Variants in MMP15 observed in about 807,000 individuals in gnomAD.
The protein encoded by MMP15 is matrix metalloproteinase-15.
MMP15 carries 36 observed loss-of-function variants against 65.0 expected under a neutral mutation model. The ratio of observed to expected loss-of-function variants is 0.55; its 90% CI spans 0.42 to 0.73. The LOEUF is 0.73. MMP15 is among the 30% of genes least tolerant of loss of function. MMP15 has a pLI of 0.00. For synonymous variants in MMP15, 428 were observed against 410.2 expected, an observed-to-expected ratio of 1.04 and a Z score of -0.52; for missense variants, 870 against 987.8, an observed-to-expected ratio of 0.88 and a Z score of 1.60.
intron 1 of MMP15, among the ~76,000 whole-genome samples, chr16:58,034,668 G>T (rs971895642): frequency 1.3e-5 from 2 of 152,222 alleles, no homozygotes; most frequent in African/African-American, 4.8e-5. Context: ...TGCCCAAGGG[G>T]TGCCCCCATC....
At chr16:58,043,728 G>A (rs1959500786) in intron 9 of MMP15, 101 bp downstream of exon 9, 3 of 798,520 alleles carry the variant, frequency 3.8e-6, no homozygotes, top group Admixed American at 5.9e-5. Flanking sequence ...CTGTGATGGT[G>A]TGTATGGGTG....
intron 4 of MMP15, 67 bp from the exon 5 acceptor site, chr16:58,040,470 G>T: frequency 1.9e-6 from 3 of 1,560,980 alleles, no homozygotes; most frequent in Non-Finnish European, 2.6e-6. Flanking sequence ...AGCCTGGAGG[G>T]TCCAGGGTGA....
At chr16:58,034,362 G>A (rs1250634601) in intron 1 of MMP15, among the ~76,000 whole-genome samples, 3 of 123,956 alleles carry the variant, frequency 2.4e-5, no homozygotes, top group Admixed American at 7.7e-5. Flanking sequence ...CCACCCCCGC[G>A]TCCCCGCCCC....
intron 9 of MMP15, among the ~76,000 whole-genome samples, chr16:58,043,893 T>C (rs1959502852): frequency 6.6e-6 from 1 of 152,146 alleles, no homozygotes; most frequent in East Asian, 1.9e-4. Flanking sequence ...AGGTGCGGCG[T>C]CAGGATTCCA....
rs761056257 is a variant in MMP15, at chr16:58,045,481, C to T, written c.*35C>T. 1.0e-5 allele frequency: 15 copies of T among 1,469,322 alleles called. No individual in the cohort carries two copies. Among genetic ancestry groups the T allele is most frequent in the African/African-American group, 2.8e-5 (2 of 71,234 alleles). The allele number at this position is 1,469,322 out of a possible 1,614,324, so 91.0% of individuals were successfully genotyped here. A position where few individuals can be genotyped will look rare whatever the true frequency, so the allele number is the denominator to read the frequency against. Reference sequence around the variant, plus strand: ...GCTCCTGCTAACGGTGCTCAGGGGGCGCCTGTGGTTCTGAGATGGCTCCCA... The same window carrying T: ...GCTCCTGCTAACGGTGCTCAGGGGGTGCCTGTGGTTCTGAGATGGCTCCCA... On this transcript the variant is annotated 3_prime_UTR_variant, in exon 10 of 10. Transcript: ENST00000219271.
At chr16:58,032,300 G>A (rs867879365) in intron 1 of MMP15, among the ~76,000 whole-genome samples, 8 of 152,232 alleles carry the variant, frequency 5.3e-5, no homozygotes, top group African/African-American at 9.6e-5. Flanking sequence ...TATCCTAGCC[G>A]TCTTCCGTTG....
intron 1 of MMP15, 53 bp from the exon 2 acceptor site, chr16:58,037,419 G>T (rs1959352543): frequency 3.8e-6 from 6 of 1,596,206 alleles, no homozygotes; most frequent in Non-Finnish European, 8.5e-7. Context: ...GGCTGTGCAT[G>T]TTTGGAGGTA....
At position 58,026,378 on chromosome 16, in the gene MMP15, C is replaced by G; in HGVS notation, c.28C>G (p.Arg10Gly). The change falls in exon 1 of 10, where the codon CGG (arginine) becomes GGG (glycine). Residue 10 changes from arginine to glycine, a missense_variant. Coordinates refer to ENST00000219271, the MANE Select transcript of MMP15 (RefSeq NM_002428.4). ...GGGCAGCGACCCGAGCGCGCCCGGA[C>G]GGCCGGGCTGGACGGGCAGCCTCCT... MGSDPSAPG[R>G]PGWTGSLLGD... is the part of the protein sequence containing the mutation. 2.9e-6 allele frequency: 4 copies of G among 1,379,444 alleles called. No individual in the cohort carries two copies. Among genetic ancestry groups the G allele is most frequent in the Non-Finnish European group, 3.7e-6 (4 of 1,075,418 alleles). The allele number at this position is 1,379,444 out of a possible 1,614,324, so 85.5% of individuals were successfully genotyped here. A position where few individuals can be genotyped will look rare whatever the true frequency, so the allele number is the denominator to read the frequency against.
intron 5 of MMP15, 58 bp downstream of exon 5, chr16:58,040,756 G>A (rs1028259659): frequency 6.2e-6 from 10 of 1,610,096 alleles, no homozygotes; most frequent in East Asian, 2.2e-5. Context: ...TGGCCAATGA[G>A]GAGTAGGCAT....
chr16:58,039,107 CCA>C (rs369540105), intron 3 of MMP15, among the ~76,000 whole-genome samples: 6 of 152,158 alleles, frequency 3.9e-5, no homozygotes, highest in Non-Finnish European at 7.4e-5. Flanking sequence ...GAAGAAAGTA[CCA>C]CACACACACT....
At chr16:58,043,845 A>G (rs572738357) in intron 9 of MMP15, among the ~76,000 whole-genome samples, 1 of 152,352 alleles carries the variant, frequency 6.6e-6, no homozygotes, top group African/African-American at 2.4e-5. Context: ...AATAAACCAG[A>G]GAGCTTGAGC....
At chr16:58,036,239 G>A (rs1263364570) in intron 1 of MMP15, among the ~76,000 whole-genome samples, 1 of 152,176 alleles carries the variant, frequency 6.6e-6, no homozygotes, top group South Asian at 2.1e-4. Flanking sequence ...CTCCCATGGC[G>A]GTCACCGTGC....
At chr16:58,036,488 G>A (rs1295921075) in intron 1 of MMP15, among the ~76,000 whole-genome samples, 1 of 152,214 alleles carries the variant, frequency 6.6e-6, no homozygotes, top group African/African-American at 2.4e-5. Context: ...CAGGGTGGGT[G>A]GTGGATGGAT....
intron 1 of MMP15, among the ~76,000 whole-genome samples, chr16:58,029,866 G>T (rs1165621723): frequency 6.6e-6 from 1 of 152,030 alleles, no homozygotes; most frequent in African/African-American, 2.4e-5. Context: ...TATCTCTTAT[G>T]CCCATTCAGG....
chr16:58,044,727 C>G (rs1343364168), intron 9 of MMP15, among the ~76,000 whole-genome samples: 1 of 152,244 alleles, frequency 6.6e-6, no homozygotes, highest in Non-Finnish European at 1.5e-5. Flanking sequence ...GGATCCCTGA[C>G]TGCAGCCCCC....
At chr16:58,041,014 TC>T (rs1434678069) in intron 5 of MMP15, 1 of 463,692 alleles carries the variant, frequency 2.2e-6, no homozygotes, top group Non-Finnish European at 4.0e-6. Context: ...GCCTGGGGGA[TC>T]CCAGGACCCG....
At chr16:58,040,830 C>T in intron 5 of MMP15, 132 bp downstream of exon 5, 1 of 1,330,490 alleles carries the variant, frequency 7.5e-7, no homozygotes, top group Non-Finnish European at 1.1e-6. Flanking sequence ...GACTTGCCCA[C>T]ATCATTTGGG....
intron 1 of MMP15, among the ~76,000 whole-genome samples, chr16:58,029,803 C>G (rs367945171): frequency 6.6e-6 from 1 of 152,014 alleles, no homozygotes; most frequent in Non-Finnish European, 1.5e-5. Context: ...TGGAAATACA[C>G]GCTATCCCCA....
At chr16:58,042,530 G>A (rs1414534190) in intron 7 of MMP15, among the ~76,000 whole-genome samples, 161 bp downstream of exon 7, 1 of 152,232 alleles carries the variant, frequency 6.6e-6, no homozygotes, top group African/African-American at 2.4e-5. Context: ...CAGCAAGGCA[G>A]GACGGGAGGA....
Sources: gnomAD v4.1 joint callset for allele counts (sites outside exome capture counted in the v4.1 genomes callset) on GRCh38, gnomAD v4.1.1 for gene constraint, MANE v1.5 for transcripts, NCBI Gene and HGNC (gene_info 2026-07-23, HGNC 2026-07-21) for gene names.